Variants in SLC45A4 observed in about 807,000 individuals in gnomAD.
SLC45A4 encodes polyamine-transporter SLC45A4.
SLC45A4 carries 32 observed loss-of-function variants against 63.7 expected under a neutral mutation model. That is an observed-to-expected ratio of 0.50 (90% confidence interval 0.38 to 0.67). The LOEUF (loss-of-function observed/expected upper bound fraction) is 0.67. Ranked by LOEUF, SLC45A4 falls within the 30% of genes least tolerant of loss-of-function variation. The probability of loss-of-function intolerance (pLI) is 0.00; values close to 1 mark genes in which losing one functional copy is unlikely to be tolerated. For synonymous variants in SLC45A4, 535 were observed against 510.0 expected (o/e 1.05, Z -0.66); for missense variants, 1,027 against 1,157.7 (o/e 0.89, Z 1.64).
chr8:141,288,201 G>A (rs764269856), intron 1 of SLC45A4, among the ~76,000 whole-genome samples: 37 of 152,254 alleles, frequency 2.4e-4, no homozygotes, highest in African/African-American at 8.2e-4. Context: ...AGACAGGCTG[G>A]GAATTCATAT....
At chr8:141,216,078 C>T (rs780755686) in intron 6 of SLC45A4, 108 bp from the exon 7 acceptor site, 5 of 998,104 alleles carry the variant, frequency 5.0e-6, no homozygotes, top group Non-Finnish European at 6.0e-6. Flanking sequence ...ACCTCCACTC[C>T]TTCCAGCTGA....
chr8:141,269,738 T>C (rs1829439997), intron 1 of SLC45A4, among the ~76,000 whole-genome samples: 1 of 152,132 alleles, frequency 6.6e-6, no homozygotes, highest in Non-Finnish European at 1.5e-5. Flanking sequence ...GATGGATCTA[T>C]ATGTGTCTGT....
At position 141,221,758 on chromosome 8, in the gene SLC45A4, C is replaced by T. The variant is rs757245385; in HGVS notation, c.249G>A (p.Pro83=). The part of the protein sequence containing the change: ...VTPILLQIGL[P]EQYYSLTWFL... ...ACCAGGTGAGGCTGTAGTACTGCTCCGGAAGGCCTGCAAGGGACACGAGGG... is the reference window on the plus strand; with the variant it reads ...ACCAGGTGAGGCTGTAGTACTGCTCTGGAAGGCCTGCAAGGGACACGAGGG... Residue 83 remains proline, a synonymous_variant, in exon 3 of 9, where the codon CCG becomes CCA. Transcript: ENST00000517878. 6.2e-6 allele frequency: 10 copies of T among 1,613,234 alleles called. No homozygotes were observed. Among genetic ancestry groups the T allele is most frequent in the South Asian group, 3.3e-5 (3 of 91,068 alleles).
rs543416796 is a variant in SLC45A4 at position 141,227,236 on chromosome 8, G to A, written c.242-5471C>T. ...TCGGCCGCAGGCTGTGTGAGGTCAC[G>A]GGCGACGCTCGGGTCACGTGTGGCG... On this transcript the variant is annotated intron_variant, in intron 2 of 8. Transcript: ENST00000517878. This position sits in a 1 kb window ranked among gnomAD's most constrained non-coding sequence, Gnocchi z 4.4. 5.9e-5 allele frequency among the ~76,000 whole-genome samples: 9 copies of A among 152,324 alleles called. No individual in the cohort carries two copies. In the South Asian group the frequency reaches 1.0e-3, roughly 18 times the overall value.
At chr8:141,279,675 C>T (rs1185236571) in intron 1 of SLC45A4, among the ~76,000 whole-genome samples, 1 of 152,258 alleles carries the variant, frequency 6.6e-6, no homozygotes, top group Non-Finnish European at 1.5e-5. Context: ...GCTGCCCTCC[C>T]TGGCACACGC....
chr8:141,217,117 AAATG>A lies in SLC45A4; in HGVS notation c.1698_1701del (p.Ile567MetfsTer21). Reference sequence around the variant, plus strand: ...GAACAAATAGCACCAGTGGCGGCATAAATGACCAGGCCCCAGCAGCCCATCTTGA... The same window carrying A: ...GAACAAATAGCACCAGTGGCGGCATAACCAGGCCCCAGCAGCCCATCTTGA... On this transcript the variant is annotated frameshift_variant, in exon 6 of 9. Coordinates refer to ENST00000517878, the MANE Select transcript of SLC45A4 (RefSeq NM_001286646.2). LOFTEE classifies it high-confidence loss of function. The A allele has an allele frequency of 6.2e-7, 1 of 1,614,010 alleles. No homozygotes were observed. Among genetic ancestry groups the A allele is most frequent in the Non-Finnish European group, 8.5e-7 (1 of 1,180,002 alleles).
chr8:141,268,840 G>A (rs1310931776), intron 1 of SLC45A4, among the ~76,000 whole-genome samples: 1 of 152,008 alleles, frequency 6.6e-6, no homozygotes, highest in South Asian at 2.1e-4. Flanking sequence ...CCATCTCCGG[G>A]TGTGCTATGC....
intron 2 of SLC45A4, among the ~76,000 whole-genome samples, chr8:141,234,527 G>A (rs1226741563): frequency 2.6e-5 from 4 of 152,190 alleles, no homozygotes; most frequent in Admixed American, 6.5e-5. Context: ...AAACAGGGTC[G>A]CAGGTGGCCT....
At chr8:141,230,461 A>C in intron 2 of SLC45A4, 1 of 200,378 alleles carries the variant, frequency 5.0e-6, no homozygotes, top group South Asian at 6.6e-5. Flanking sequence ...GGAGACAAAC[A>C]GCTGTGCCGG....
At chr8:141,239,086 G>A (rs1827771978) in intron 2 of SLC45A4, among the ~76,000 whole-genome samples, 1 of 152,174 alleles carries the variant, frequency 6.6e-6, no homozygotes, top group Non-Finnish European at 1.5e-5. Context: ...TGGGCCACGC[G>A]GTGAATTTCT....
Position 141,210,164 on chromosome 8 carries a change from C to G in SLC45A4, c.*1408G>C, listed in dbSNP as rs1481172879. On this transcript the variant is annotated 3_prime_UTR_variant, in exon 9 of 9. Coordinates refer to ENST00000517878, the MANE Select transcript of SLC45A4 (RefSeq NM_001286646.2). ...GATCCTGACAAGTACAGCCAGGTCTCAGAGAGGGGATCTACAGTCTTAAAG... is the reference window on the plus strand; with the variant it reads ...GATCCTGACAAGTACAGCCAGGTCTGAGAGAGGGGATCTACAGTCTTAAAG... The G allele has an allele frequency of 6.6e-6, 1 of 152,264 alleles. No individual in the cohort carries two copies. Among genetic ancestry groups the G allele is most frequent in the African/African-American group, 2.4e-5 (1 of 41,462 alleles). The allele number at this position is 152,264 out of a possible 1,614,324, so 9.4% of individuals were successfully genotyped here. A position where few individuals can be genotyped will look rare whatever the true frequency, so the allele number is the denominator to read the frequency against.
At chr8:141,244,957 T>TTG (rs1555571934) in intron 2 of SLC45A4, among the ~76,000 whole-genome samples, 2 of 8,418 alleles carry the variant, frequency 2.4e-4, no homozygotes, top group African/African-American at 4.6e-4. Flanking sequence ...AAGACGTGGG[T>TTG]GGGGGGGGGG....
chr8:141,238,553 T>G (rs973934153), intron 2 of SLC45A4, among the ~76,000 whole-genome samples: 3 of 151,990 alleles, frequency 2.0e-5, no homozygotes, highest in Admixed American at 6.5e-5. Context: ...CTCCTATGAG[T>G]GGAATCACAC....
chr8:141,262,111 T>C (rs1179143887), intron 1 of SLC45A4, among the ~76,000 whole-genome samples: 3 of 151,600 alleles, frequency 2.0e-5, no homozygotes, highest in African/African-American at 7.3e-5. Flanking sequence ...AAACAAGAAA[T>C]TGGGAAAGGA....
intron 1 of SLC45A4, among the ~76,000 whole-genome samples, chr8:141,264,943 C>A (rs1284035419): frequency 6.6e-6 from 1 of 152,198 alleles, no homozygotes; most frequent in Non-Finnish European, 1.5e-5. Flanking sequence ...GTCTATCATG[C>A]TGGAAAGGCC....
intron 1 of SLC45A4, among the ~76,000 whole-genome samples, chr8:141,280,565 G>C (rs985153880): frequency 2.6e-5 from 4 of 152,054 alleles, no homozygotes; most frequent in African/African-American, 9.7e-5. Context: ...CGGCTCTGAG[G>C]GCAGTGGGTC....
Position 141,219,499 on chromosome 8 carries a change from G to A in SLC45A4, c.610+151C>T, listed in dbSNP as rs1826445113. 4.0e-6 allele frequency: 4 copies of A among 1,003,048 alleles called. No individual in the cohort carries two copies. The South Asian group carries it at 7.0e-5, about 18-fold the overall frequency. 62.1% of individuals were successfully genotyped at this position (1,003,048 alleles called of 1,614,324 possible). ...TGGTGGTCAGGAGGGGCTGCCCCTG[G>A]TTACCTTCCAGCCCTAAGACCCTGC... On this transcript the variant is annotated intron_variant, in intron 4 of 8. Coordinates refer to ENST00000517878, the MANE Select transcript of SLC45A4 (RefSeq NM_001286646.2).
At chr8:141,258,576 G>A (rs956484490) in intron 1 of SLC45A4, among the ~76,000 whole-genome samples, 4 of 152,156 alleles carry the variant, frequency 2.6e-5, no homozygotes, top group Non-Finnish European at 4.4e-5. Context: ...CATTCAGCCT[G>A]TGCAACAGTC....
intron 1 of SLC45A4, among the ~76,000 whole-genome samples, chr8:141,302,378 C>G (rs1159370220): frequency 6.6e-6 from 1 of 151,760 alleles, no homozygotes; most frequent in Non-Finnish European, 1.5e-5. Context: ...CCACCACCAC[C>G]ACCCCCATCC....
Sources: allele counts gnomAD v4.1 joint callset (sites outside exome capture counted in the v4.1 genomes callset), GRCh38; gene constraint gnomAD v4.1.1; non-coding constraint Gnocchi (gnomAD v3.1); transcripts MANE v1.5; gene names NCBI Gene and HGNC (gene_info 2026-07-23, HGNC 2026-07-21).